Variants in EXOC4 observed in about 807,000 individuals in gnomAD.
EXOC4 encodes the protein SEC8-like 1.
A neutral mutation model predicts 107.2 loss-of-function variants in EXOC4; 71 were observed. That is an observed-to-expected ratio of 0.66 (90% CI 0.55 to 0.81). The LOEUF is 0.81. Among genes scored for constraint, EXOC4 ranks in the 30% least tolerant of loss-of-function variants. EXOC4 has a pLI of 0.00. For missense variants in EXOC4, 1,108 were observed against 1,189.6 expected (o/e 0.93, Z 1.01); for synonymous variants, 456 against 441.2 (o/e 1.03, Z -0.42).
chr7:133,697,298 A>T (rs1189407557), intron 10 of EXOC4, among the ~76,000 whole-genome samples: 1 of 152,154 alleles, frequency 6.6e-6, no homozygotes, highest in East Asian at 1.9e-4. Context: ...AAAAATAGAA[A>T]TTGGGAGACT....
At chr7:133,438,500 A>G (rs376550470) in intron 7 of EXOC4, among the ~76,000 whole-genome samples, 3 of 152,008 alleles carry the variant, frequency 2.0e-5, no homozygotes, top group South Asian at 2.1e-4. Context: ...GTTATTATCT[A>G]ATATACTCTG....
chr7:133,863,755 A>G (rs1010676246), intron 11 of EXOC4, among the ~76,000 whole-genome samples: 7 of 152,160 alleles, frequency 4.6e-5, no homozygotes, highest in African/African-American at 1.4e-4. Flanking sequence ...AGAGGATGCT[A>G]TCTAGTTTGG....
intron 10 of EXOC4, among the ~76,000 whole-genome samples, chr7:133,796,313 T>C (rs765553592): frequency 5.3e-5 from 8 of 152,290 alleles, no homozygotes; most frequent in Non-Finnish European, 2.9e-5. Flanking sequence ...CAATCTGATA[T>C]ACAGGTTGTG....
intron 7 of EXOC4, among the ~76,000 whole-genome samples, chr7:133,401,745 A>C (rs1031934301): frequency 2.0e-5 from 3 of 151,938 alleles, no homozygotes; most frequent in African/African-American, 7.2e-5. Flanking sequence ...TAGTCTATAC[A>C]GTGATTTCTG....
chr7:133,583,741 A>G (rs902852580), intron 9 of EXOC4, among the ~76,000 whole-genome samples: 2 of 152,226 alleles, frequency 1.3e-5, no homozygotes, highest in African/African-American at 2.4e-5. Flanking sequence ...TGAATGCCAT[A>G]CTAAGGAATA....
chr7:133,746,078 A>G (rs1795671522), intron 10 of EXOC4, among the ~76,000 whole-genome samples: 1 of 152,148 alleles, frequency 6.6e-6, no homozygotes, highest in Non-Finnish European at 1.5e-5. Flanking sequence ...AGTTCATGGT[A>G]AAGTATCAAA....
At chr7:133,672,278 C>G (rs928455980) in intron 10 of EXOC4, among the ~76,000 whole-genome samples, 8 of 151,650 alleles carry the variant, frequency 5.3e-5, no homozygotes, top group African/African-American at 1.9e-4. Context: ...GTAGTCCCAG[C>G]TACTCGGGAG....
Position 133,921,934 on chromosome 7 carries a change from G to GT in EXOC4, c.2027+4200dup, listed in dbSNP as rs1274250215. ...ATTCTTCTTTTCTCTTTCTGGTTCA[G>GT]TTTTGAAAGTTTCTATTGACATTTC... On this transcript the variant is annotated intron_variant, in intron 13 of 17. Coordinates refer to ENST00000253861, the MANE Select transcript of EXOC4 (RefSeq NM_021807.4). 5.9e-5 allele frequency among the ~76,000 whole-genome samples: 9 copies of GT among 151,946 alleles called. No individual in the cohort carries two copies. The East Asian group carries it at 1.7e-3, about 29-fold the overall frequency.
chr7:133,753,093 A>G (rs906409146), intron 10 of EXOC4, among the ~76,000 whole-genome samples: 3 of 152,192 alleles, frequency 2.0e-5, no homozygotes, highest in Non-Finnish European at 2.9e-5. Context: ...TTTCTTCGTC[A>G]TATTGACCAA....
chr7:133,872,407 G>A (rs942076544), intron 11 of EXOC4, among the ~76,000 whole-genome samples: 1 of 152,138 alleles, frequency 6.6e-6, no homozygotes, highest in Non-Finnish European at 1.5e-5. Context: ...GACAGAGTGA[G>A]AGATGTGTGT....
At position 133,497,721 on chromosome 7, in the gene EXOC4, G is replaced by A. The variant is rs552256353; in HGVS notation, c.1417+17583G>A. On this transcript the variant is annotated intron_variant, in intron 9 of 17. Coordinates refer to ENST00000253861, the MANE Select transcript of EXOC4 (RefSeq NM_021807.4). ...TGGGATTACAGGGGTGAGCCACCAC[G>A]CCCTGGCCAAAGTAACACTTTGCCT... is the stretch of plus-strand genomic sequence containing the variant. 1.8e-3 allele frequency among the ~76,000 whole-genome samples: 273 copies of A among 152,164 alleles called. 1 individual carries two copies. Among genetic ancestry groups the A allele is most frequent in the African/African-American group, 6.0e-3 (251 of 41,536 alleles).
At chr7:133,975,446 A>C (rs760256715) in intron 14 of EXOC4, among the ~76,000 whole-genome samples, 14 of 152,236 alleles carry the variant, frequency 9.2e-5, no homozygotes, top group Non-Finnish European at 1.6e-4. Context: ...GGAAGAATTC[A>C]TGGGAAAGTA....
At chr7:133,895,396 G>A (rs1299398757) in intron 11 of EXOC4, among the ~76,000 whole-genome samples, 11 of 152,074 alleles carry the variant, frequency 7.2e-5, no homozygotes, top group African/African-American at 1.4e-4. Flanking sequence ...CTTCTGCGTC[G>A]CTCACGCTGG....
chr7:133,925,208 C>G (rs112011087), intron 13 of EXOC4, among the ~76,000 whole-genome samples: 5 of 152,070 alleles, frequency 3.3e-5, no homozygotes, highest in African/African-American at 1.2e-4. Flanking sequence ...AGGTTACGTT[C>G]CCTTCATTAC....
At chr7:134,076,809 C>T in the EXOC4 span, among the ~76,000 whole-genome samples, 2 of 151,896 alleles carry the variant, frequency 1.3e-5, no homozygotes, top group African/African-American at 2.4e-5. Context: ...AATCTTTGCA[C>T]CCCTAGAATT....
chr7:133,489,319 A>G (rs1202970559), intron 9 of EXOC4, among the ~76,000 whole-genome samples: 1 of 152,216 alleles, frequency 6.6e-6, no homozygotes, highest in Non-Finnish European at 1.5e-5. Context: ...ATATGCACTC[A>G]TACATTTCAT....
chr7:134,074,658 T>G, the EXOC4 span, among the ~76,000 whole-genome samples: 1 of 152,154 alleles, frequency 6.6e-6, no homozygotes, highest in Non-Finnish European at 1.5e-5. Context: ...CGACTGCCAC[T>G]CCCAGGATCC....
intron 9 of EXOC4, among the ~76,000 whole-genome samples, chr7:133,619,756 T>C (rs563944708): frequency 6.6e-6 from 1 of 152,314 alleles, no homozygotes; most frequent in African/African-American, 2.4e-5. Context: ...TAAAACAGAA[T>C]AGACACTTAG....
chr7:133,959,993 A>C (rs746085479), intron 14 of EXOC4, among the ~76,000 whole-genome samples: 1 of 152,208 alleles, frequency 6.6e-6, no homozygotes, highest in Non-Finnish European at 1.5e-5. Context: ...ATAGGAAAAC[A>C]TGGGCTACAA....
Sources: allele counts gnomAD v4.1 joint callset (sites outside exome capture counted in the v4.1 genomes callset), GRCh38; gene constraint gnomAD v4.1.1; transcripts MANE v1.5; gene names NCBI Gene and HGNC (gene_info 2026-07-23, HGNC 2026-07-21).